HEATR5B: variants seen among roughly 807,000 people sequenced by gnomAD.
HEATR5B encodes the protein HEAT repeat containing 5B.
Under a neutral mutation model 224.1 loss-of-function variants are expected in HEATR5B, and 156 were observed. The observed-to-expected ratio is 0.70, with a 90% CI of 0.61 to 0.80. The LOEUF (loss-of-function observed/expected upper bound fraction) is 0.80. Among genes scored for constraint, HEATR5B ranks in the 30% least tolerant of loss-of-function variants. The pLI, the probability that HEATR5B is intolerant of heterozygous loss-of-function variation, is 0.00. For missense variants in HEATR5B, 2,323 were observed against 2,535.5 expected (o/e 0.92, Z 1.80); for synonymous variants, 1,027 against 893.0 (o/e 1.15, Z -2.68).
At chr2:37,056,126 AT>A (rs376790979) in intron 16 of HEATR5B, among the ~76,000 whole-genome samples, 4,265 of 146,516 alleles carry the variant, frequency 0.029, 69 homozygotes, top group South Asian at 0.041. Context: ...ATTATAATGC[AT>A]TTTTTTTTTT....
chr2:37,003,243 T>A (rs1368620254), intron 31 of HEATR5B, among the ~76,000 whole-genome samples: 2 of 110,562 alleles, frequency 1.8e-5, no homozygotes, highest in Non-Finnish European at 3.3e-5. Flanking sequence ...CTCTTGAGAG[T>A]AAGACTGTCC....
intron 33 of HEATR5B, among the ~76,000 whole-genome samples, chr2:36,997,846 G>A (rs1394861617): frequency 1.3e-5 from 2 of 152,118 alleles, no homozygotes. Context: ...GATTACAGGC[G>A]TGAGCCACCA....
chr2:36,992,800 C>T (rs746675812), intron 33 of HEATR5B, among the ~76,000 whole-genome samples: 1 of 152,028 alleles, frequency 6.6e-6, no homozygotes, highest in African/African-American at 2.4e-5. Context: ...TCATAACTCA[C>T]TGCAGCCTTG....
intron 33 of HEATR5B, among the ~76,000 whole-genome samples, chr2:36,993,966 G>A (rs1666514635): frequency 6.7e-6 from 1 of 149,540 alleles, no homozygotes; most frequent in Non-Finnish European, 1.5e-5. Flanking sequence ...GCAATATAAT[G>A]ACTAAAAAAA....
intron 12 of HEATR5B, 96 bp from the exon 13 acceptor site, chr2:37,059,083 T>G: frequency 1.5e-6 from 1 of 682,916 alleles, no homozygotes; most frequent in Non-Finnish European, 2.4e-6. Flanking sequence ...TTGTAATACT[T>G]AATTATTATA....
At chr2:36,996,534 G>A (rs1666724612) in intron 33 of HEATR5B, among the ~76,000 whole-genome samples, 1 of 148,794 alleles carries the variant, frequency 6.7e-6, no homozygotes, top group South Asian at 2.1e-4. Context: ...CTTCCACCTT[G>A]GCCTCCCAAG....
At position 37,068,860 on chromosome 2, in the gene HEATR5B, T is replaced by A. The variant is rs781778296; in HGVS notation, c.998A>T (p.His333Leu). ...LERSFATFLS[H>L]VLDLVSHPRA... The stretch of plus-strand genomic sequence containing the variant: ...AGGATGGGAAACCAGATCAAGTACA[T>A]GGGACAGGAACGTGGCAAAGCTGCG... The change falls in exon 8 of 36, where the codon CAT becomes CTT. Residue 333 changes from histidine (H) to leucine (L), a missense_variant. Coordinates refer to ENST00000233099, the MANE Select transcript of HEATR5B (RefSeq NM_019024.3). The A allele has an allele frequency of 5.0e-6, 8 of 1,614,124 alleles. No homozygotes were observed. Among genetic ancestry groups the A allele is most frequent in the Non-Finnish European group, 6.8e-6 (8 of 1,180,012 alleles).
rs10184323 is a variant in HEATR5B at position 37,074,701 on chromosome 2, A to G, written c.597+784T>C. On this transcript the variant is annotated intron_variant, in intron 5 of 35. Coordinates refer to ENST00000233099, the MANE Select transcript of HEATR5B (RefSeq NM_019024.3). Reference sequence around the variant, plus strand: ...ACCTATAAAACACTCTCAAAAGTCAATAATTATAAAACAACCCAATAAAAC... The same window carrying G: ...ACCTATAAAACACTCTCAAAAGTCAGTAATTATAAAACAACCCAATAAAAC... Among the ~76,000 whole-genome samples, 863 of 152,364 alleles carry G rather than the reference A, an allele frequency of 5.7e-3. 9 individuals are homozygous for G. Among genetic ancestry groups the G allele is most frequent in the African/African-American group, 0.02 (825 of 41,590 alleles).
rs189741951 is a variant in HEATR5B at position 37,054,222 on chromosome 2, T to A, written c.2400-615A>T. Among the ~76,000 whole-genome samples the A allele has an allele frequency of 9.4e-3, 1,396 of 147,840 alleles. 28 individuals carry two copies. Among genetic ancestry groups the A allele is most frequent in the African/African-American group, 0.032 (1,290 of 39,834 alleles). On this transcript the variant is annotated intron_variant, in intron 16 of 35. Coordinates refer to ENST00000233099, the MANE Select transcript of HEATR5B (RefSeq NM_019024.3). ...TTTTTTTTTTTTTTTGAGATGGAGT[T>A]TCGCTCTTGTTGCCCAGGCTGGAGT...
Position 37,062,051 on chromosome 2 carries a change from C to G in HEATR5B, c.1585-1G>C. On this transcript the variant is annotated splice_acceptor_variant, in intron 10 of 35. Transcript: ENST00000233099. LOFTEE classifies it high-confidence loss of function. ...GATCTTCAGCAATACTAACTACCAT[C>G]TGCAAGAAAAGTTTAGAATTGGATT... 1 of 1,567,890 alleles carries G rather than the reference C, an allele frequency of 6.4e-7. No individual in the cohort carries two copies. The highest frequency in any genetic ancestry group is 2.2e-5 in the East Asian group (1 of 44,614).
chr2:36,985,910 A>G (rs1254748314), intron 35 of HEATR5B, among the ~76,000 whole-genome samples: 2 of 152,110 alleles, frequency 1.3e-5, no homozygotes, highest in African/African-American at 4.8e-5. Flanking sequence ...CTAACTAGCT[A>G]TTAAACTATA....
intron 18 of HEATR5B, among the ~76,000 whole-genome samples, chr2:37,043,678 C>T (rs2148506111): frequency 6.6e-6 from 1 of 152,306 alleles, no homozygotes; most frequent in East Asian, 1.9e-4. Context: ...ACTTCATTGA[C>T]ATGGTTAAAT....
chr2:36,981,774 A>T lies in HEATR5B; in HGVS notation c.5932T>A (p.Leu1978Ile), dbSNP rs775472638. 1.2e-6 allele frequency: 2 copies of T among 1,611,560 alleles called. No homozygotes were observed. Among genetic ancestry groups the T allele is most frequent in the South Asian group, 2.2e-5 (2 of 90,686 alleles). Residue 1978 changes from leucine (L) to isoleucine (I), a missense_variant, in exon 36 of 36, where the codon TTA becomes ATA. Around this residue, in one of 12 missense-constraint regions of HEATR5B, gnomAD observed 844 missense variants for 812.9 expected, o/e 1.04. Transcript: ENST00000233099. ...AGGTAAGATATCAAAGTGGGAACTA[A>T]AAGAGCAAGTAGCTGGACTCCTGTA... ...EQNRVQLLALLVPTLISYLLD... is the reference protein window; with the variant it reads ...EQNRVQLLALIVPTLISYLLD...
In HEATR5B at chr2:37,040,471, C is replaced by T. The variant is rs148086344; in HGVS notation, c.2904G>A (p.Pro968=). 2.2e-5 allele frequency: 35 copies of T among 1,613,670 alleles called. No individual in the cohort carries two copies. The African/African-American group carries it at 3.9e-4, about 18-fold the overall frequency. ...TTGGTTCCACATAGCCACGATACAT[C>T]GGACCACTAGAATCCACTATCAAAG... ...SLALIVDSSG[P]MYRGYVEPTL... The change falls in exon 20 of 36, where the codon CCG becomes CCA. Residue 968 remains proline (P), a synonymous_variant. Transcript: ENST00000233099.
Position 37,020,814 on chromosome 2 carries a change from G to C in HEATR5B, c.3876C>G (p.Leu1292=), listed in dbSNP as rs1358548420. 1 of 1,565,918 alleles carries C rather than the reference G, an allele frequency of 6.4e-7. No homozygotes were observed. The highest frequency in any genetic ancestry group is 8.6e-7 in the Non-Finnish European group (1 of 1,164,344). The change falls in exon 25 of 36, where the codon CTC becomes CTG. Residue 1292 remains leucine (L), a synonymous_variant. Coordinates refer to ENST00000233099, the MANE Select transcript of HEATR5B (RefSeq NM_019024.3). ...NPTNDLLVLH[L]SDLIRMAFMA... ...TGAATGCCATGCGAATGAGGTCAGA[G>C]AGATGAAGTACCAAGAGGTCATCTA...
At chr2:36,995,649 A>C (rs954130697) in intron 33 of HEATR5B, among the ~76,000 whole-genome samples, 1 of 152,212 alleles carries the variant, frequency 6.6e-6, no homozygotes, top group African/African-American at 2.4e-5. Flanking sequence ...TAGTTTAAAA[A>C]TTAAATTACT....
intron 20 of HEATR5B, 132 bp from the exon 21 acceptor site, chr2:37,038,156 T>C: frequency 1.6e-6 from 1 of 606,164 alleles, no homozygotes; most frequent in Non-Finnish European, 2.5e-6. Context: ...GCTGTTGTTT[T>C]TGAGATGGAG....
chr2:37,046,364 C>T (rs1670190606), intron 18 of HEATR5B, among the ~76,000 whole-genome samples: 2 of 152,148 alleles, frequency 1.3e-5, no homozygotes, highest in African/African-American at 2.4e-5. Flanking sequence ...ATGGGCCAGG[C>T]GCACTGGCTC....
At chr2:37,038,911 G>GA (rs1025441523) in intron 20 of HEATR5B, among the ~76,000 whole-genome samples, 1 of 131,264 alleles carries the variant, frequency 7.6e-6, no homozygotes, top group Non-Finnish European at 1.7e-5. Context: ...CTGGGGTGGG[G>GA]GGGGTGGGGA....
Sources: gnomAD v4.1 joint callset for allele counts (sites outside exome capture counted in the v4.1 genomes callset) on GRCh38, gnomAD v4.1.1 for gene constraint, gnomAD v4.1.1 regional missense constraint, MANE v1.5 for transcripts, NCBI Gene and HGNC (gene_info 2026-07-23, HGNC 2026-07-21) for gene names.